FER: variants seen among roughly 807,000 people sequenced by gnomAD.
The protein encoded by FER is tyrosine-protein kinase Fer.
FER carries 63 observed loss-of-function variants against 111.0 expected under a neutral mutation model. That is an observed-to-expected ratio of 0.57 (90% CI 0.46 to 0.70). The LOEUF (loss-of-function observed/expected upper bound fraction) is 0.70. Among genes scored for constraint, FER ranks in the 30% least tolerant of loss-of-function variants. The pLI is 0.00. For missense variants in FER, 914 were observed against 954.0 expected (o/e 0.96, Z 0.55); for synonymous variants, 327 against 313.9 (o/e 1.04, Z -0.44).
chr5:108,840,628 T>A (rs1365609534), intron 5 of FER, among the ~76,000 whole-genome samples: 2 of 152,154 alleles, frequency 1.3e-5, no homozygotes, highest in African/African-American at 4.8e-5. Context: ...CCCTGATCTA[T>A]CCCCTATATT....
At chr5:108,833,692 G>A (rs1760291486) in intron 4 of FER, among the ~76,000 whole-genome samples, 1 of 152,146 alleles carries the variant, frequency 6.6e-6, no homozygotes, top group African/African-American at 2.4e-5. Flanking sequence ...GGCTAACAGG[G>A]TGAAACCCCG....
At chr5:108,898,637 CTT>C (rs1259941317) in intron 10 of FER, among the ~76,000 whole-genome samples, 4 of 130,464 alleles carry the variant, frequency 3.1e-5, no homozygotes, top group Non-Finnish European at 6.3e-5. Flanking sequence ...CTTTCTTTTT[CTT>C]TTTCTTTCCT....
At chr5:108,752,766 A>T (rs1392417629) in intron 1 of FER, among the ~76,000 whole-genome samples, 1 of 152,080 alleles carries the variant, frequency 6.6e-6, no homozygotes, top group Non-Finnish European at 1.5e-5. Context: ...AGCTTTAAAA[A>T]TTTAATGTCA....
At chr5:109,109,567 C>T (rs755447171) in intron 17 of FER, among the ~76,000 whole-genome samples, 1 of 152,058 alleles carries the variant, frequency 6.6e-6, no homozygotes, top group East Asian at 1.9e-4. Context: ...CACTCCAGTA[C>T]ACTGATTCAG....
intron 16 of FER, among the ~76,000 whole-genome samples, chr5:109,068,507 TATAAAA>T (rs1243507345): frequency 6.6e-6 from 1 of 152,170 alleles, no homozygotes; most frequent in African/African-American, 2.4e-5. Context: ...CTTTAACACT[TATAAAA>T]AGAAATGCTC....
At chr5:109,167,918 A>G (rs1316971231) in intron 17 of FER, among the ~76,000 whole-genome samples, 7 of 152,196 alleles carry the variant, frequency 4.6e-5, no homozygotes, top group African/African-American at 1.7e-4. Context: ...GGGTAAAGAA[A>G]TGAACAAATG....
intron 13 of FER, among the ~76,000 whole-genome samples, chr5:109,027,151 A>G (rs1768866333): frequency 6.6e-6 from 1 of 151,834 alleles, no homozygotes; most frequent in South Asian, 2.1e-4. Flanking sequence ...CTTTCAAACT[A>G]TTACACTGGA....
chr5:108,768,472 A>G (rs1446496774), intron 2 of FER, among the ~76,000 whole-genome samples: 1 of 152,226 alleles, frequency 6.6e-6, no homozygotes, highest in Non-Finnish European at 1.5e-5. Flanking sequence ...TATAATTAGC[A>G]GAATCCCAAT....
chr5:108,862,362 T>TCC (rs1403429985), intron 5 of FER, among the ~76,000 whole-genome samples: 39 of 152,248 alleles, frequency 2.6e-4, no homozygotes, highest in Non-Finnish European at 5.0e-4. Context: ...TGTTGTATGT[T>TCC]TAGTGAATCA....
At chr5:109,159,445 A>G (rs1203018187) in intron 17 of FER, among the ~76,000 whole-genome samples, 4 of 126,086 alleles carry the variant, frequency 3.2e-5, no homozygotes, top group African/African-American at 1.2e-4. Context: ...AACAGGGATC[A>G]CTCTGTTGAA....
chr5:108,980,441 C>T (rs188302241), intron 13 of FER, among the ~76,000 whole-genome samples: 3 of 152,258 alleles, frequency 2.0e-5, no homozygotes, highest in East Asian at 1.9e-4. Flanking sequence ...TACAGGAGAG[C>T]GTCTCTTGTT....
At chr5:108,832,053 A>G (rs897037291) in intron 3 of FER, among the ~76,000 whole-genome samples, 6 of 152,060 alleles carry the variant, frequency 3.9e-5, no homozygotes, top group Non-Finnish European at 7.4e-5. Flanking sequence ...ATGCCCACTG[A>G]TCCCAAACCT....
At chr5:108,995,393 TC>T (rs1763854100) in intron 13 of FER, among the ~76,000 whole-genome samples, 1 of 152,140 alleles carries the variant, frequency 6.6e-6, no homozygotes, top group Non-Finnish European at 1.5e-5. Flanking sequence ...ATTAGGTATT[TC>T]TCCTAATGCT....
chr5:108,895,089 C>G (rs1466904109), intron 9 of FER, among the ~76,000 whole-genome samples: 1 of 152,056 alleles, frequency 6.6e-6, no homozygotes, highest in Non-Finnish European at 1.5e-5. Context: ...TGGAAGATCC[C>G]ATTTATTATC....
intron 3 of FER, among the ~76,000 whole-genome samples, chr5:108,801,333 CTT>C (rs1231125224): frequency 1.3e-5 from 2 of 152,148 alleles, no homozygotes; most frequent in Non-Finnish European, 2.9e-5. Flanking sequence ...TTTTTATACT[CTT>C]TATTCTGTTC....
At chr5:108,787,382 G>C (rs570790187) in intron 2 of FER, among the ~76,000 whole-genome samples, 2 of 152,188 alleles carry the variant, frequency 1.3e-5, no homozygotes, top group Non-Finnish European at 2.9e-5. Context: ...GGGACAGTCA[G>C]TTTGGGTGCC....
chr5:108,833,005 T>C (rs1239752239), intron 4 of FER, 62 bp downstream of exon 4: 2 of 1,439,674 alleles, frequency 1.4e-6, no homozygotes, highest in Middle Eastern at 3.7e-4. Flanking sequence ...AGAAATATTT[T>C]ACCTTATTTG....
intron 2 of FER, among the ~76,000 whole-genome samples, chr5:108,790,270 C>T (rs1755216500): frequency 6.6e-6 from 1 of 151,708 alleles, no homozygotes; most frequent in South Asian, 2.1e-4. Flanking sequence ...CACACACACA[C>T]ACACTCTTAC....
At chr5:108,875,287 A>C (rs1764976575) in intron 8 of FER, among the ~76,000 whole-genome samples, 1 of 152,072 alleles carries the variant, frequency 6.6e-6, no homozygotes, top group African/African-American at 2.4e-5. Context: ...TTCCCATCAC[A>C]CATGCATTTA....
Sources: allele counts gnomAD v4.1 joint callset (sites outside exome capture counted in the v4.1 genomes callset), GRCh38; gene constraint gnomAD v4.1.1; transcripts MANE v1.5; gene names NCBI Gene and HGNC (gene_info 2026-07-23, HGNC 2026-07-21).